The following CYP19A1 variants were observed in gnomAD, a reference collection of about 807,000 sequenced individuals.
CYP19A1 encodes cytochrome P450 family 19 subfamily A member 1.
In CYP19A1, 32 loss-of-function variants were observed where a neutral mutation model predicts 44.4. The ratio of observed to expected loss-of-function variants is 0.72; its 90% CI spans 0.54 to 0.97. The LOEUF (loss-of-function observed/expected upper bound fraction) is 0.97. CYP19A1 is among the 50% of genes least tolerant of loss of function. CYP19A1 has a pLI of 0.00. For synonymous variants in CYP19A1, 212 were observed against 215.6 expected (o/e 0.98, Z 0.14); for missense variants, 598 against 637.8 (o/e 0.94, Z 0.67).
chr15:51,253,937 A>G (rs971054319), intron 1 of CYP19A1, among the ~76,000 whole-genome samples: 2 of 152,124 alleles, frequency 1.3e-5, no homozygotes, highest in African/African-American at 4.8e-5. Flanking sequence ...GAGGAGAGGT[A>G]TTTGCAATGC....
chr15:51,211,404 A>G (rs1052717464), intron 9 of CYP19A1, among the ~76,000 whole-genome samples: 2 of 152,222 alleles, frequency 1.3e-5, no homozygotes, highest in Admixed American at 1.3e-4. Context: ...TAAGGCAAAG[A>G]TTATTTTTGT....
chr15:51,247,206 T>C (rs2034100142), intron 1 of CYP19A1, among the ~76,000 whole-genome samples: 1 of 152,096 alleles, frequency 6.6e-6, no homozygotes, highest in Non-Finnish European at 1.5e-5. Flanking sequence ...CATGAGCATC[T>C]CTCCAGCCTA....
chr15:51,270,516 A>G, intron 1 of CYP19A1, among the ~76,000 whole-genome samples: 1 of 152,330 alleles, frequency 6.6e-6, no homozygotes, highest in South Asian at 2.1e-4. Flanking sequence ...TACTCCAAGT[A>G]ACACAGTATA....
chr15:51,240,077 C>T (rs1267874037), intron 2 of CYP19A1, among the ~76,000 whole-genome samples: 14 of 428 alleles, frequency 0.033, no homozygotes, highest in African/African-American at 0.09. Flanking sequence ...GCCACTCCCC[C>T]TTCTCCGCAG....
chr15:51,235,129 G>T (rs2033306547), intron 3 of CYP19A1, among the ~76,000 whole-genome samples: 1 of 152,174 alleles, frequency 6.6e-6, no homozygotes, highest in African/African-American at 2.4e-5. Flanking sequence ...TTGTAAAAGT[G>T]ACTCAAGTAC....
At chr15:51,285,826 T>C (rs1198897982) in intron 1 of CYP19A1, among the ~76,000 whole-genome samples, 1 of 152,204 alleles carries the variant, frequency 6.6e-6, no homozygotes, top group Non-Finnish European at 1.5e-5. Flanking sequence ...GTTAGCCCAC[T>C]TGATCCGTTT....
chr15:51,322,623 C>T (rs1377339557), intron 1 of CYP19A1, among the ~76,000 whole-genome samples: 1 of 152,148 alleles, frequency 6.6e-6, no homozygotes, highest in Non-Finnish European at 1.5e-5. Flanking sequence ...TAGGAAGAGC[C>T]CTTGTCATAA....
chr15:51,270,001 A>T (rs12437685), intron 1 of CYP19A1, among the ~76,000 whole-genome samples: 20,784 of 131,168 alleles, frequency 0.16, 1,658 homozygotes, highest in Admixed American at 0.25. Context: ...TACCCCAAAA[A>T]GTCTGCTGAA....
intron 1 of CYP19A1, among the ~76,000 whole-genome samples, chr15:51,267,877 G>A (rs1323636899): frequency 6.6e-6 from 1 of 152,280 alleles, no homozygotes; most frequent in South Asian, 2.1e-4. Context: ...CTTAGCAGGC[G>A]AGAGCACTGG....
intron 1 of CYP19A1, among the ~76,000 whole-genome samples, chr15:51,277,627 G>T (rs1272511448): frequency 6.6e-6 from 1 of 152,026 alleles, no homozygotes; most frequent in Non-Finnish European, 1.5e-5. Flanking sequence ...AAATAAATAC[G>T]CGTATTTCCC....
At chr15:51,258,902 G>A (rs533932794) in intron 1 of CYP19A1, among the ~76,000 whole-genome samples, 9 of 152,294 alleles carry the variant, frequency 5.9e-5, no homozygotes, top group African/African-American at 2.2e-4. Context: ...AACCAAAGTT[G>A]ACCAAAGTGA....
chr15:51,227,038 A>C (rs943274205), intron 4 of CYP19A1, among the ~76,000 whole-genome samples: 2 of 152,152 alleles, frequency 1.3e-5, no homozygotes, highest in African/African-American at 2.4e-5. Context: ...GCCGTGTTTA[A>C]ATCAAACATA....
At chr15:51,219,614 T>C (rs1436010525) in intron 5 of CYP19A1, among the ~76,000 whole-genome samples, 1 of 152,206 alleles carries the variant, frequency 6.6e-6, no homozygotes. Flanking sequence ...CTCAGGACCA[T>C]GTCCTTTTCT....
chr15:51,268,660 T>A lies in CYP19A1; in HGVS notation c.-38-25710A>T, dbSNP rs181595981. On this transcript the variant is annotated intron_variant, in intron 1 of 9. Transcript: ENST00000396402. ...TATAGCAGGTGTATATTTAACTTTT[T>A]AAGAAACTGCCAAATTATCTTCCGA... Among the ~76,000 whole-genome samples the A allele has an allele frequency of 7.0e-4, 106 of 152,296 alleles. No homozygotes were observed. The Middle Eastern group carries it at 0.01, about 15-fold the overall frequency.
chr15:51,247,697 A>T (rs566981149), intron 1 of CYP19A1, among the ~76,000 whole-genome samples: 7 of 152,008 alleles, frequency 4.6e-5, no homozygotes, highest in African/African-American at 1.4e-4. Context: ...CTAGTCTGGA[A>T]CTCCTGACCT....
chr15:51,301,165 A>G (rs1373296902), intron 1 of CYP19A1, among the ~76,000 whole-genome samples: 1 of 152,188 alleles, frequency 6.6e-6, no homozygotes, highest in Non-Finnish European at 1.5e-5. Context: ...GGGCAGACAG[A>G]AGCTGGAAAG....
At chr15:51,300,952 A>G (rs1276628665) in intron 1 of CYP19A1, among the ~76,000 whole-genome samples, 1 of 152,186 alleles carries the variant, frequency 6.6e-6, no homozygotes, top group Non-Finnish European at 1.5e-5. Context: ...AGCAGGAAGG[A>G]AAAAGAGGCC....
At chr15:51,243,169 C>T (rs2033879616) in intron 1 of CYP19A1, 1 of 467,408 alleles carries the variant, frequency 2.1e-6, no homozygotes, top group African/African-American at 2.0e-5. Flanking sequence ...TTGGTAGAGT[C>T]TCAGGTTCCT....
intron 5 of CYP19A1, chr15:51,221,952 T>C (rs2032121665): frequency 1.1e-5 from 3 of 263,214 alleles, no homozygotes; most frequent in Non-Finnish European, 2.2e-5. Flanking sequence ...TGTGTGTATA[T>C]ATGTGTGGGT....
Sources: allele counts gnomAD v4.1 joint callset (sites outside exome capture counted in the v4.1 genomes callset), GRCh38; gene constraint gnomAD v4.1.1; transcripts MANE v1.5; gene names NCBI Gene and HGNC (gene_info 2026-07-23, HGNC 2026-07-21).